Variants in KLHL20 observed in about 807,000 individuals in gnomAD.
KLHL20 encodes the protein kelch-like protein 20.
A neutral mutation model predicts 69.5 loss-of-function variants in KLHL20; 29 were observed. That is an observed-to-expected ratio of 0.42 (90% CI 0.31 to 0.57). KLHL20 has a LOEUF of 0.57. Among genes scored for constraint, KLHL20 ranks in the 20% least tolerant of loss-of-function variants. The pLI, the probability that KLHL20 is intolerant of heterozygous loss-of-function variation, is 0.18. For synonymous variants in KLHL20, 253 were observed against 265.2 expected, an observed-to-expected ratio of 0.95 and a Z score of 0.45; for missense variants, 419 against 776.0, an observed-to-expected ratio of 0.54 and a Z score of 5.47.
At chr1:173,728,226 C>T (rs550464539) in intron 2 of KLHL20, among the ~76,000 whole-genome samples, 1 of 152,158 alleles carries the variant, frequency 6.6e-6, no homozygotes, top group Non-Finnish European at 1.5e-5. Flanking sequence ...AATACAGGAG[C>T]ATCCAGATTC....
chr1:173,750,585 A>G (rs1673262549), intron 3 of KLHL20, among the ~76,000 whole-genome samples: 1 of 151,358 alleles, frequency 6.6e-6, no homozygotes, highest in African/African-American at 2.4e-5. Flanking sequence ...TCCCGCGTTC[A>G]AGTGATTCTC....
chr1:173,739,614 T>C (rs369875432), intron 3 of KLHL20, among the ~76,000 whole-genome samples: 1 of 151,894 alleles, frequency 6.6e-6, no homozygotes, highest in South Asian at 2.1e-4. Flanking sequence ...AGTTATCTTT[T>C]GTATTTCTGT....
chr1:173,734,084 CAGT>C lies in KLHL20; in HGVS notation c.398_400del (p.Val133del). On this transcript the variant is annotated inframe_deletion, in exon 3 of 12. Coordinates refer to ENST00000209884, the MANE Select transcript of KLHL20 (RefSeq NM_014458.4). ...GACTTTGCGTATACCTCCCAGATAA[CAGT>C]AGAAGAGGGCAATGTTCAGACTCTT... The C allele has an allele frequency of 6.2e-7, 1 of 1,614,192 alleles. No individual in the cohort carries two copies. Among genetic ancestry groups the C allele is most frequent in the Non-Finnish European group, 8.5e-7 (1 of 1,180,030 alleles).
intron 3 of KLHL20, among the ~76,000 whole-genome samples, chr1:173,748,713 C>T (rs1028169832): frequency 6.6e-6 from 1 of 151,700 alleles, no homozygotes; most frequent in Non-Finnish European, 1.5e-5. Context: ...CTAACCTGCA[C>T]ATTGTGCACA....
chr1:173,766,958 GT>G (rs1467156997), intron 8 of KLHL20, among the ~76,000 whole-genome samples: 1 of 152,092 alleles, frequency 6.6e-6, no homozygotes, highest in Non-Finnish European at 1.5e-5. Flanking sequence ...ATAATACGTT[GT>G]TATTAACTAT....
At chr1:173,726,533 T>A (rs1413723052) in intron 2 of KLHL20, among the ~76,000 whole-genome samples, 1 of 152,128 alleles carries the variant, frequency 6.6e-6, no homozygotes, top group Admixed American at 6.5e-5. Flanking sequence ...AACGGACGGG[T>A]ACTCCTCTGA....
intron 11 of KLHL20, among the ~76,000 whole-genome samples, 175 bp downstream of exon 11, chr1:173,782,405 T>C (rs999062328): frequency 2.0e-5 from 3 of 152,204 alleles, no homozygotes; most frequent in African/African-American, 4.8e-5. Flanking sequence ...GTGGCTGATA[T>C]ATTACAAAAT....
chr1:173,730,130 G>A (rs1350494124), intron 2 of KLHL20, among the ~76,000 whole-genome samples: 5 of 151,736 alleles, frequency 3.3e-5, no homozygotes, highest in African/African-American at 1.2e-4. Flanking sequence ...TTGCTACAAA[G>A]AGAATAAAAT....
intron 2 of KLHL20, among the ~76,000 whole-genome samples, chr1:173,732,162 A>G (rs893708112): frequency 6.6e-6 from 1 of 151,880 alleles, no homozygotes; most frequent in African/African-American, 2.4e-5. Flanking sequence ...GCGCCACTGC[A>G]GCCCAGCCTC....
intron 7 of KLHL20, among the ~76,000 whole-genome samples, chr1:173,765,493 A>C (rs1249855898): frequency 6.6e-6 from 1 of 150,588 alleles, no homozygotes; most frequent in Non-Finnish European, 1.5e-5. Flanking sequence ...ACAGAGCGAG[A>C]CTCCGTCTCA....
chr1:173,782,348 C>CTT, intron 11 of KLHL20, 118 bp downstream of exon 11: 1 of 632,476 alleles, frequency 1.6e-6, no homozygotes. Flanking sequence ...TTGAAGAGGG[C>CTT]TGAAGTTACA....
chr1:173,719,961 G>A (rs1671640723), intron 2 of KLHL20, among the ~76,000 whole-genome samples: 2 of 152,004 alleles, frequency 1.3e-5, no homozygotes, highest in South Asian at 4.1e-4. Flanking sequence ...CAGATATAAT[G>A]ATACAGTATT....
At chr1:173,742,000 T>C (rs748806404) in intron 3 of KLHL20, 27 of 570,394 alleles carry the variant, frequency 4.7e-5, no homozygotes, top group Non-Finnish European at 7.3e-5. Context: ...AAATTGTAAC[T>C]TGTATCATAG....
rs1245608974 is a variant in KLHL20, at chr1:173,715,069, G to T, written c.-51G>T. ...AGGAGGCTGCTGCAGAGAAGAAAGT[G>T]TCAGAGCCGGTAAGTGAGCCAGTCA... is the stretch of plus-strand genomic sequence containing the variant. On this transcript the variant is annotated 5_prime_UTR_variant, in exon 1 of 12. Coordinates refer to ENST00000209884, the MANE Select transcript of KLHL20 (RefSeq NM_014458.4). 1.3e-5 allele frequency: 2 copies of T among 152,530 alleles called. No homozygotes were observed. The highest frequency in any genetic ancestry group is 4.8e-5 in the African/African-American group (2 of 41,464). The allele number at this position is 152,530 out of a possible 1,614,324, so 9.4% of individuals were successfully genotyped here.
chr1:173,737,652 T>A (rs1485112486), intron 3 of KLHL20, among the ~76,000 whole-genome samples: 1 of 152,208 alleles, frequency 6.6e-6, no homozygotes, highest in Non-Finnish European at 1.5e-5. Flanking sequence ...AATTAGGTAA[T>A]GTGATGCCTC....
rs1363760561 is a variant in KLHL20, at chr1:173,786,063, C to A, written c.*816C>A. 1 of 152,340 alleles carries A rather than the reference C, an allele frequency of 6.6e-6. No individual in the cohort carries two copies. Among genetic ancestry groups the A allele is most frequent in the Non-Finnish European group, 1.5e-5 (1 of 68,020 alleles). 9.4% of individuals were successfully genotyped at this position (152,340 alleles called of 1,614,324 possible). ...AGTTTTTGCTCAAAAATGTTACTGA[C>A]TAAAGCAACTGTCCTTCCTGTTTCC... On this transcript the variant is annotated 3_prime_UTR_variant, in exon 12 of 12. Coordinates refer to ENST00000209884, the MANE Select transcript of KLHL20 (RefSeq NM_014458.4).
chr1:173,784,677 AC>A (rs1649092167), intron 11 of KLHL20, among the ~76,000 whole-genome samples: 2 of 152,324 alleles, frequency 1.3e-5, no homozygotes, highest in African/African-American at 4.8e-5. Flanking sequence ...TGCTGACTTT[AC>A]TCAAATCTGG....
intron 8 of KLHL20, among the ~76,000 whole-genome samples, chr1:173,772,635 G>T (rs1444012645): frequency 6.6e-6 from 1 of 152,094 alleles, no homozygotes; most frequent in Non-Finnish European, 1.5e-5. Context: ...TAAAAGGATT[G>T]TTTCTTTATA....
intron 8 of KLHL20, 98 bp downstream of exon 8, chr1:173,766,387 G>A (rs1647710398): frequency 1.8e-6 from 2 of 1,126,264 alleles, no homozygotes; most frequent in Non-Finnish European, 2.4e-6. Flanking sequence ...GCTCACACCT[G>A]TAATCCTAGC....
Sources: allele counts gnomAD v4.1 joint callset (sites outside exome capture counted in the v4.1 genomes callset), GRCh38; gene constraint gnomAD v4.1.1; transcripts MANE v1.5; gene names NCBI Gene and HGNC (gene_info 2026-07-23, HGNC 2026-07-21).